Variants in CDHR2 observed in about 807,000 individuals in gnomAD.
CDHR2 encodes cadherin related family member 2, also known as cadherin-related family member 2.
CDHR2 carries 104 observed loss-of-function variants against 138.6 expected under a neutral mutation model. The ratio of observed to expected loss-of-function variants is 0.75; its 90% CI spans 0.64 to 0.88. The LOEUF (loss-of-function observed/expected upper bound fraction) is 0.88, where lower values mean the gene tolerates loss of function less well. Among genes scored for constraint, CDHR2 ranks in the 40% least tolerant of loss-of-function variants. CDHR2 has a pLI of 0.00. For synonymous variants in CDHR2, 755 were observed against 742.8 expected (o/e 1.02, Z -0.27); for missense variants, 1,624 against 1,727.6 (o/e 0.94, Z 1.06).
rs1395125152 is a variant in CDHR2, at chr5:176,569,264, T to C, written c.315+254T>C. On this transcript the variant is annotated intron_variant, in intron 5 of 31. Coordinates refer to ENST00000261944, the MANE Select transcript of CDHR2 (RefSeq NM_017675.6). Reference sequence around the variant, plus strand: ...TTTGTTTACATATAAATATATTGGTTATATTTTAATTGTAAATTAAATGTT... The same window carrying C: ...TTTGTTTACATATAAATATATTGGTCATATTTTAATTGTAAATTAAATGTT... Among the ~76,000 whole-genome samples the C allele has an allele frequency of 1.3e-5, 2 of 150,908 alleles. 1 individual carries two copies. Among genetic ancestry groups the C allele is most frequent in the African/African-American group, 4.8e-5 (2 of 41,254 alleles).
At chr5:176,589,496 G>A (rs1368371468) in intron 23 of CDHR2, 32 bp from the exon 24 acceptor site, 21 of 1,613,198 alleles carry the variant, frequency 1.3e-5, no homozygotes, top group Non-Finnish European at 1.7e-5. Flanking sequence ...CAGGGTCCCT[G>A]GTGCCTCATC....
chr5:176,566,947 G>A (rs1029559677), intron 3 of CDHR2: 2 of 456,150 alleles, frequency 4.4e-6, no homozygotes, highest in Non-Finnish European at 8.8e-6. Context: ...TTGTTGCAGT[G>A]CAAAATGGAA....
chr5:176,552,382 G>T (rs1757725665), intron 1 of CDHR2, among the ~76,000 whole-genome samples: 1 of 152,384 alleles, frequency 6.6e-6, no homozygotes, highest in South Asian at 2.1e-4. Context: ...GACAATGCAG[G>T]GTGTGGACCG....
At chr5:176,586,884 A>C in intron 21 of CDHR2, 42 bp downstream of exon 21, 1 of 1,550,926 alleles carries the variant, frequency 6.4e-7, no homozygotes, top group Non-Finnish European at 8.8e-7. Context: ...TATGAGCCCC[A>C]GGGGACACAG....
rs764880633 is a variant in CDHR2, at chr5:176,578,348, C to G, written c.1575-17C>G. On this transcript the variant is annotated splice_polypyrimidine_tract_variant and intron_variant, in intron 15 of 31. Transcript: ENST00000261944. ...CATCCTGTGTCTCTATTTGCTGAAC[C>G]TGGCCCCTCTGAGCAGGGCAGACCT... 1 of 1,604,248 alleles carries G rather than the reference C, an allele frequency of 6.2e-7. No individual in the cohort carries two copies. Among genetic ancestry groups the G allele is most frequent in the Admixed American group, 1.7e-5 (1 of 58,672 alleles).
At chr5:176,591,087 C>T (rs1581151538) in intron 28 of CDHR2, 123 bp from the exon 29 acceptor site, 1 of 681,254 alleles carries the variant, frequency 1.5e-6, no homozygotes, top group Non-Finnish European at 2.6e-6. Context: ...CTTACTTCTA[C>T]CCTCTGTAAA....
chr5:176,566,021 G>A (rs928078053), intron 3 of CDHR2, among the ~76,000 whole-genome samples: 17 of 151,556 alleles, frequency 1.1e-4, no homozygotes, highest in South Asian at 6.2e-4. Flanking sequence ...TTCAGTCTCT[G>A]ACTGGAGGAT....
chr5:176,583,540 A>G (rs1758573521), intron 17 of CDHR2, among the ~76,000 whole-genome samples: 1 of 151,652 alleles, frequency 6.6e-6, no homozygotes. Flanking sequence ...GTTAGGAGAC[A>G]TAGGGGAGGG....
chr5:176,567,634 G>A (rs2113282424), intron 3 of CDHR2, among the ~76,000 whole-genome samples: 1 of 152,262 alleles, frequency 6.6e-6, no homozygotes, highest in East Asian at 1.9e-4. Flanking sequence ...TGGGATTATA[G>A]GCACGTGCCA....
intron 17 of CDHR2, among the ~76,000 whole-genome samples, chr5:176,582,045 G>C (rs1758545748): frequency 6.6e-6 from 1 of 152,122 alleles, no homozygotes; most frequent in Admixed American, 6.5e-5. Context: ...TTTTGAGACA[G>C]GGTCTCCCTT....
In CDHR2 at chr5:176,595,513, C is replaced by T; in HGVS notation, c.3793-19C>T. ...CCACCTTGCCTTGCCCTTCACACCT[C>T]CTCTCCCTCTCCCTGCAGGAGCACA... On this transcript the variant is annotated intron_variant, in intron 31 of 31. Transcript: ENST00000261944. 1 of 1,575,364 alleles carries T rather than the reference C, an allele frequency of 6.3e-7. No homozygotes were observed. Among genetic ancestry groups the T allele is most frequent in the Non-Finnish European group, 8.6e-7 (1 of 1,159,018 alleles).
chr5:176,589,039 C>T lies in CDHR2; in HGVS notation c.2865C>T (p.Asp955=), dbSNP rs144420599. Residue 955 remains aspartate, a synonymous_variant, in exon 22 of 32, where the codon GAC becomes GAT. Coordinates refer to ENST00000261944, the MANE Select transcript of CDHR2 (RefSeq NM_017675.6). The part of the protein sequence containing the change: ...NREVASVRAR[D]DDSGNNGVIL... ...TCCACTCTTGCTCCCAGGCCAGAGA[C>T]GATGATTCAGGGAACAATGGCGTCA... The T allele has an allele frequency of 2.7e-5, 44 of 1,613,874 alleles. No individual in the cohort carries two copies. In the African/African-American group the frequency reaches 4.4e-4, roughly 16 times the overall value.
In CDHR2 at chr5:176,592,670, A is replaced by C. The variant is rs1036180767; in HGVS notation, c.3735-53A>C. Reference sequence around the variant, plus strand: ...GATGGAGGTGGTGGTTCTTGGGCACAGTAAGGGAGGACTGGGCCTGCCAAC... The same window carrying C: ...GATGGAGGTGGTGGTTCTTGGGCACCGTAAGGGAGGACTGGGCCTGCCAAC... On this transcript the variant is annotated intron_variant, in intron 30 of 31. Coordinates refer to ENST00000261944, the MANE Select transcript of CDHR2 (RefSeq NM_017675.6). 1.5e-5 allele frequency: 23 copies of C among 1,530,878 alleles called. No homozygotes were observed. In the African/African-American group the frequency reaches 2.6e-4, roughly 17 times the overall value. The allele number at this position is 1,530,878 out of a possible 1,614,324, so 94.8% of individuals were successfully genotyped here.
In CDHR2 at chr5:176,577,000, A is replaced by G. The variant is rs1458564180; in HGVS notation, c.1195-399A>G. ...CTGAGGGGTTGGAAATGTTGCGTGG[A>G]GGACAGTGTCGGGTGGGGTTAGGTT... is the stretch of plus-strand genomic sequence containing the variant. On this transcript the variant is annotated intron_variant, in intron 12 of 31. Coordinates refer to ENST00000261944, the MANE Select transcript of CDHR2 (RefSeq NM_017675.6). The surrounding 1 kb of genome is among the most constrained non-coding windows in gnomAD (Gnocchi z 4.5). 2.0e-5 allele frequency among the ~76,000 whole-genome samples: 3 copies of G among 150,620 alleles called. No individual in the cohort carries two copies. Among genetic ancestry groups the G allele is most frequent in the Non-Finnish European group, 4.4e-5 (3 of 67,792 alleles).
At position 176,590,455 on chromosome 5, in the gene CDHR2, G is replaced by C. The variant is rs373426526; in HGVS notation, c.3384G>C (p.Thr1128=). 1 of 1,613,972 alleles carries C rather than the reference G, an allele frequency of 6.2e-7. No individual in the cohort carries two copies. Among genetic ancestry groups the C allele is most frequent in the South Asian group, 1.1e-5 (1 of 91,080 alleles). Residue 1128 remains threonine (T), a synonymous_variant, in exon 27 of 32, where the codon ACG becomes ACC. Coordinates refer to ENST00000261944, the MANE Select transcript of CDHR2 (RefSeq NM_017675.6). ...TCCGGAATGATCAGGACTCGCTGACGCAGCTGCTGCAGCTGGGGCTGGTGG... is the reference window on the plus strand; with the variant it reads ...TCCGGAATGATCAGGACTCGCTGACCCAGCTGCTGCAGCTGGGGCTGGTGG... ...VMIRNDQDSL[T]QLLQLGLVVL...
chr5:176,588,472 T>TGA (rs202040117), intron 21 of CDHR2, among the ~76,000 whole-genome samples: 44,758 of 149,130 alleles, frequency 0.3, 6,917 homozygotes, highest in African/African-American at 0.39. Flanking sequence ...TGAGTGTATG[T>TGA]GAGTGTGAGA....
rs1221339299 is a variant in CDHR2 at position 176,591,268 on chromosome 5, G to A, written c.3598G>A (p.Gly1200Arg). The A allele has an allele frequency of 3.7e-6, 6 of 1,613,960 alleles. No individual in the cohort carries two copies. Among genetic ancestry groups the A allele is most frequent in the African/African-American group, 1.3e-5 (1 of 74,948 alleles). ...AAKEARKTAA[G>R]VMPSAPAIPG... ...CAAGGAGGCCAGGAAGACAGCAGCA[G>A]GGGTGATGCCCTCAGCCCCTGCCAT... The change falls in exon 29 of 32, where the codon GGG (glycine) becomes AGG (arginine). Residue 1200 changes from glycine to arginine, a missense_variant. Around this residue, in one of 3 missense-constraint regions of CDHR2, gnomAD observed 556 missense variants for 565.7 expected, o/e 0.98. Coordinates refer to ENST00000261944, the MANE Select transcript of CDHR2 (RefSeq NM_017675.6).
In CDHR2 at chr5:176,543,468, G is replaced by A. The variant is rs935267391; in HGVS notation, c.-16+699G>A. On this transcript the variant is annotated intron_variant, in intron 1 of 31. Transcript: ENST00000510636. The surrounding 1 kb of genome is among the most constrained non-coding windows in gnomAD (Gnocchi z 4.0). ...CTTCCAGGACCCCCGCCCCGGCCCC[G>A]CGCGAATGGAGCTGCCTGGACCGCA... The A allele has an allele frequency of 6.6e-6, 1 of 151,902 alleles. No individual in the cohort carries two copies. The highest frequency in any genetic ancestry group is 1.5e-5 in the Non-Finnish European group (1 of 67,932). 9.4% of individuals were successfully genotyped at this position (151,902 alleles called of 1,614,324 possible).
intron 1 of CDHR2, among the ~76,000 whole-genome samples, chr5:176,558,623 G>A (rs542078774): frequency 2.0e-5 from 3 of 152,008 alleles, no homozygotes; most frequent in South Asian, 2.1e-4. Flanking sequence ...GACCTCAGGC[G>A]ATCCACCCAC....
Sources: allele counts gnomAD v4.1 joint callset (sites outside exome capture counted in the v4.1 genomes callset), GRCh38; gene constraint gnomAD v4.1.1; regional missense constraint gnomAD v4.1.1; non-coding constraint Gnocchi (gnomAD v3.1); transcripts MANE v1.5; gene names NCBI Gene and HGNC (gene_info 2026-07-23, HGNC 2026-07-21).